The following FILIP1 variants were observed in gnomAD, a reference collection of about 807,000 sequenced individuals.
The protein encoded by FILIP1 is filamin A interacting protein 1.
A neutral mutation model predicts 102.1 loss-of-function variants in FILIP1; 61 were observed. That is an observed-to-expected ratio of 0.60 (90% confidence interval 0.49 to 0.74). FILIP1 has a LOEUF of 0.74. FILIP1 is among the 30% of genes least tolerant of loss of function. FILIP1 has a pLI of 0.00. For missense variants in FILIP1, 1,314 were observed against 1,441.2 expected (o/e 0.91, Z 1.43); for synonymous variants, 491 against 526.9 (o/e 0.93, Z 0.93).
rs187829613 is a variant in FILIP1 at position 75,395,602 on chromosome 6, T to C, written c.276+19095A>G. 2.0e-3 allele frequency among the ~76,000 whole-genome samples: 310 copies of C among 152,280 alleles called. 2 individuals are homozygous for C. The highest frequency in any genetic ancestry group is 1.4e-3 in the Non-Finnish European group (92 of 68,010). The stretch of plus-strand genomic sequence containing the variant: ...CAAAAATTTCTAAATATATAAACTT[T>C]ACCCCTAGAATTCTATTTTGGTGTT... On this transcript the variant is annotated intron_variant, in intron 2 of 5. Transcript: ENST00000237172.
At chr6:75,343,075 G>T (rs981248736) in intron 4 of FILIP1, among the ~76,000 whole-genome samples, 2 of 152,106 alleles carry the variant, frequency 1.3e-5, no homozygotes, top group African/African-American at 2.4e-5. Context: ...AGGTCATAAG[G>T]TTGGAGTTCT....
At chr6:75,323,477 T>G (rs908678774) in intron 4 of FILIP1, among the ~76,000 whole-genome samples, 1 of 152,162 alleles carries the variant, frequency 6.6e-6, no homozygotes, top group Non-Finnish European at 1.5e-5. Context: ...TAAAATATGA[T>G]AGAAAACATA....
intron 6 of FILIP1, among the ~76,000 whole-genome samples, chr6:75,298,009 C>G (rs1271964343): frequency 6.6e-6 from 1 of 152,184 alleles, no homozygotes; most frequent in Non-Finnish European, 1.5e-5. Flanking sequence ...TTACAAAATG[C>G]TAGGATTAAG....
At chr6:75,364,066 A>C (rs1253344434) in intron 2 of FILIP1, among the ~76,000 whole-genome samples, 4 of 152,194 alleles carry the variant, frequency 2.6e-5, no homozygotes, top group African/African-American at 9.7e-5. Context: ...TCTCCAAATT[A>C]ATCTAATTCC....
At chr6:75,418,026 C>T (rs141484535) in intron 1 of FILIP1, among the ~76,000 whole-genome samples, 1,672 of 152,200 alleles carry the variant, frequency 0.011, 42 homozygotes, top group East Asian at 0.11. Flanking sequence ...GGCAAAACCC[C>T]GTCTCTACTA....
At chr6:75,431,253 A>G (rs1459891393) in intron 1 of FILIP1, among the ~76,000 whole-genome samples, 2 of 152,232 alleles carry the variant, frequency 1.3e-5, no homozygotes, top group East Asian at 1.9e-4. Flanking sequence ...CTACGTTCCT[A>G]TAATTTTTAA....
At chr6:75,315,322 A>G (rs1331186937) in intron 4 of FILIP1, 120 bp from the exon 5 acceptor site, 1 of 648,176 alleles carries the variant, frequency 1.5e-6, no homozygotes, top group East Asian at 3.1e-5. Flanking sequence ...CTATAATTTC[A>G]ATGTTTAAAG....
At chr6:75,356,716 A>C (rs1247606589) in intron 3 of FILIP1, among the ~76,000 whole-genome samples, 2 of 151,768 alleles carry the variant, frequency 1.3e-5, no homozygotes, top group Non-Finnish European at 2.9e-5. Context: ...TGATCCACTC[A>C]CCTCTGCCTC....
At chr6:75,352,305 C>T (rs934427985) in intron 4 of FILIP1, among the ~76,000 whole-genome samples, 2 of 152,132 alleles carry the variant, frequency 1.3e-5, no homozygotes, top group African/African-American at 4.8e-5. Flanking sequence ...CAAAAGCAGA[C>T]ATGCTTGGTA....
intron 2 of FILIP1, among the ~76,000 whole-genome samples, chr6:75,387,608 T>C (rs1776142934): frequency 6.6e-6 from 1 of 152,226 alleles, no homozygotes; most frequent in African/African-American, 2.4e-5. Context: ...TGGTATCTCA[T>C]TGTGGTTTTG....
intron 1 of FILIP1, among the ~76,000 whole-genome samples, chr6:75,441,458 C>T (rs1177072891): frequency 6.6e-6 from 1 of 152,086 alleles, no homozygotes; most frequent in Non-Finnish European, 1.5e-5. Context: ...CACAAAACCG[C>T]CATTGTCATC....
Position 75,313,375 on chromosome 6 carries a change from C to T in FILIP1, c.2457G>A (p.Thr819=), listed in dbSNP as rs542112601. Residue 819 remains threonine (T), a synonymous_variant, in exon 5 of 6, where the codon ACG becomes ACA. Transcript: ENST00000237172. The surrounding 1 kb of genome is among the most constrained non-coding windows in gnomAD (Gnocchi z 4.2). ...AVSGEAAEEE[T]PAVFIRKSFQ... ...AGGATTTCCGTATGAATACAGCTGG[C>T]GTTTCTTCCTCTGCTGCTTCACCGC... The T allele has an allele frequency of 1.1e-5, 18 of 1,614,148 alleles. No homozygotes were observed. In the Admixed American group the frequency reaches 1.3e-4, roughly 12 times the overall value.
intron 2 of FILIP1, among the ~76,000 whole-genome samples, chr6:75,401,466 AG>A (rs1319061793): frequency 6.6e-6 from 1 of 152,066 alleles, no homozygotes; most frequent in Non-Finnish European, 1.5e-5. Flanking sequence ...TGGTCTCCTC[AG>A]ATTAGTACCT....
chr6:75,487,070 A>G (rs1438042724), intron 1 of FILIP1, among the ~76,000 whole-genome samples: 3 of 152,082 alleles, frequency 2.0e-5, no homozygotes, highest in Non-Finnish European at 4.4e-5. Flanking sequence ...CCAGAAGATG[A>G]TATCTATCAA....
intron 1 of FILIP1, among the ~76,000 whole-genome samples, chr6:75,482,721 G>C (rs1779678704): frequency 6.6e-6 from 1 of 152,150 alleles, no homozygotes; most frequent in African/African-American, 2.4e-5. Flanking sequence ...TAAAGGTTTA[G>C]AGAAAACTGA....
At chr6:75,469,007 T>G (rs1003795496) in intron 1 of FILIP1, among the ~76,000 whole-genome samples, 1 of 152,014 alleles carries the variant, frequency 6.6e-6, no homozygotes, top group Non-Finnish European at 1.5e-5. Flanking sequence ...TCACAGTAAT[T>G]CTTTGATATA....
At chr6:75,376,436 C>T (rs1004121790) in intron 2 of FILIP1, among the ~76,000 whole-genome samples, 3 of 152,144 alleles carry the variant, frequency 2.0e-5, no homozygotes, top group African/African-American at 7.2e-5. Flanking sequence ...TTACTCCCCA[C>T]CCCTTGGGAG....
At chr6:75,425,062 G>A (rs992152796) in intron 1 of FILIP1, among the ~76,000 whole-genome samples, 4 of 152,048 alleles carry the variant, frequency 2.6e-5, no homozygotes, top group African/African-American at 9.7e-5. Flanking sequence ...GAGATCCCTT[G>A]TCTTAGATTA....
intron 1 of FILIP1, among the ~76,000 whole-genome samples, chr6:75,448,197 T>C (rs546836238): frequency 1.3e-5 from 2 of 152,124 alleles, no homozygotes; most frequent in Non-Finnish European, 2.9e-5. Context: ...GATTTTGTCA[T>C]ACCTTCCTCC....
Sources: allele counts gnomAD v4.1 joint callset (sites outside exome capture counted in the v4.1 genomes callset), GRCh38; gene constraint gnomAD v4.1.1; non-coding constraint Gnocchi (gnomAD v3.1); transcripts MANE v1.5; gene names NCBI Gene and HGNC (gene_info 2026-07-23, HGNC 2026-07-21).